The following TSHZ2 variants were observed in gnomAD, a reference collection of about 807,000 sequenced individuals.
TSHZ2 encodes the protein teashirt zinc finger homeobox 2.
TSHZ2 carries 21 observed loss-of-function variants against 74.4 expected under a neutral mutation model. The ratio of observed to expected loss-of-function variants is 0.28; its 90% CI spans 0.20 to 0.41. TSHZ2 has a LOEUF of 0.41. TSHZ2 is among the 10% of genes least tolerant of loss of function. The probability of loss-of-function intolerance (pLI) is 1.00; values close to 1 mark genes in which losing one functional copy is unlikely to be tolerated. For missense variants in TSHZ2, 1,244 were observed against 1,293.5 expected (o/e 0.96, Z 0.59); for synonymous variants, 540 against 515.3 (o/e 1.05, Z -0.65).
chr20:53,493,609 T>C lies in TSHZ2; in HGVS notation c.*6474T>C, dbSNP rs1366973907. 6.6e-6 allele frequency: 1 copy of C among 152,228 alleles called. No homozygotes were observed. Among genetic ancestry groups the C allele is most frequent in the Non-Finnish European group, 1.5e-5 (1 of 68,048 alleles). 9.4% of individuals were successfully genotyped at this position (152,228 alleles called of 1,614,324 possible). On this transcript the variant is annotated 3_prime_UTR_variant, in exon 3 of 3. Coordinates refer to ENST00000371497, the MANE Select transcript of TSHZ2 (RefSeq NM_173485.6). Reference sequence around the variant, plus strand: ...TTGTAATGGGGCCCCAGGCCATTCCTGACATCGGCGTGTTCTTCTTCTGCA... The same window carrying C: ...TTGTAATGGGGCCCCAGGCCATTCCCGACATCGGCGTGTTCTTCTTCTGCA...
At chr20:53,193,198 A>C (rs78968282) in intron 1 of TSHZ2, among the ~76,000 whole-genome samples, 6,735 of 142,598 alleles carry the variant, frequency 0.047, 492 homozygotes, top group East Asian at 0.35. Context: ...GAAAAAAAAA[A>C]CACCACCTCT....
chr20:53,291,103 G>A (rs1227689647), intron 2 of TSHZ2, among the ~76,000 whole-genome samples: 1 of 152,112 alleles, frequency 6.6e-6, no homozygotes, highest in Non-Finnish European at 1.5e-5. Context: ...GTCTCCTCAA[G>A]AACATGAAAA....
chr20:53,339,337 G>C (rs1183147506), intron 2 of TSHZ2, among the ~76,000 whole-genome samples: 1 of 152,090 alleles, frequency 6.6e-6, no homozygotes, highest in African/African-American at 2.4e-5. Context: ...AGGTGGCTGC[G>C]GAGGCCTGAG....
In TSHZ2 at chr20:53,422,823, A is replaced by C. The variant is rs191764256; in HGVS notation, c.*9-64321A>C. ...ACCCCTGGATACACTGATCTCCTTC[A>C]ATATACAGTCAGGACTTCACGAGCA... On this transcript the variant is annotated intron_variant, in intron 2 of 2. Transcript: ENST00000371497. Among the ~76,000 whole-genome samples the C allele has an allele frequency of 1.1e-4, 16 of 152,354 alleles. No individual in the cohort carries two copies. The East Asian group carries it at 2.3e-3, about 22-fold the overall frequency.
At chr20:53,406,164 A>G (rs1034397598) in intron 2 of TSHZ2, among the ~76,000 whole-genome samples, 5 of 152,080 alleles carry the variant, frequency 3.3e-5, no homozygotes, top group Admixed American at 2.6e-4. Context: ...ACCACCAACT[A>G]TCAAGGTTAT....
At chr20:53,184,908 A>C (rs1988564915) in intron 1 of TSHZ2, among the ~76,000 whole-genome samples, 1 of 152,116 alleles carries the variant, frequency 6.6e-6, no homozygotes, top group Admixed American at 6.5e-5. Flanking sequence ...GGATTTCACC[A>C]TGTTGGCCAT....
intron 1 of TSHZ2, among the ~76,000 whole-genome samples, chr20:53,026,117 A>G (rs1016415747): frequency 7.9e-5 from 12 of 151,984 alleles, no homozygotes; most frequent in Admixed American, 6.6e-4. Context: ...CCTCTTCCCA[A>G]CACACACACA....
At chr20:53,138,995 A>G (rs1309867210) in intron 1 of TSHZ2, among the ~76,000 whole-genome samples, 2 of 152,246 alleles carry the variant, frequency 1.3e-5, no homozygotes, top group Non-Finnish European at 2.9e-5. Context: ...AATCTGACAA[A>G]AGGAATTAAT....
At chr20:53,303,996 C>T (rs190375761) in intron 2 of TSHZ2, among the ~76,000 whole-genome samples, 7 of 152,144 alleles carry the variant, frequency 4.6e-5, no homozygotes, top group Non-Finnish European at 8.8e-5. Flanking sequence ...AATCATTGAC[C>T]ATCCCCAACC....
rs151008375 is a variant in TSHZ2 at position 53,102,808 on chromosome 20, T to C, written c.40+129475T>C. ...TGTAGTTTAGGAGAGGGCATTGTTT[T>C]TCAAATTGTGGATCAAGGCCCATTA... On this transcript the variant is annotated intron_variant, in intron 1 of 2. Transcript: ENST00000371497. 6.8e-3 allele frequency among the ~76,000 whole-genome samples: 1,033 copies of C among 152,294 alleles called. 12 individuals carry two copies. Among genetic ancestry groups the C allele is most frequent in the East Asian group, 0.012 (61 of 5,188 alleles).
chr20:53,122,470 C>A (rs1249213464), intron 1 of TSHZ2, among the ~76,000 whole-genome samples: 1 of 152,034 alleles, frequency 6.6e-6, no homozygotes, highest in African/African-American at 2.4e-5. Flanking sequence ...AAGTTAATTT[C>A]TATTTCTATC....
chr20:53,212,155 T>C (rs1449229869), intron 1 of TSHZ2, among the ~76,000 whole-genome samples: 1 of 152,200 alleles, frequency 6.6e-6, no homozygotes, highest in Admixed American at 6.5e-5. Flanking sequence ...GTTGTCATCT[T>C]GGAATCCCTC....
intron 1 of TSHZ2, among the ~76,000 whole-genome samples, chr20:53,211,583 G>T (rs547766623): frequency 1.3e-5 from 2 of 152,080 alleles, no homozygotes; most frequent in African/African-American, 4.8e-5. Context: ...CCACACAGTC[G>T]CTCCTACCTG....
At chr20:53,471,251 C>T (rs1985790553) in intron 2 of TSHZ2, among the ~76,000 whole-genome samples, 2 of 151,852 alleles carry the variant, frequency 1.3e-5, no homozygotes, top group Admixed American at 1.3e-4. Context: ...GTGATAAATA[C>T]TTTAAAACCC....
chr20:53,223,416 G>A (rs1392560519), intron 1 of TSHZ2, among the ~76,000 whole-genome samples: 1 of 152,208 alleles, frequency 6.6e-6, no homozygotes, highest in Middle Eastern at 3.4e-3. Context: ...ATTTGAGACG[G>A]GGTCTTGCTC....
chr20:53,301,784 A>T (rs1978330222), intron 2 of TSHZ2, among the ~76,000 whole-genome samples: 1 of 152,218 alleles, frequency 6.6e-6, no homozygotes, highest in African/African-American at 2.4e-5. Context: ...TCAGGTTTTT[A>T]AAAAAGGAAC....
At chr20:53,000,784 C>A (rs1015632063) in intron 1 of TSHZ2, among the ~76,000 whole-genome samples, 1 of 152,114 alleles carries the variant, frequency 6.6e-6, no homozygotes, top group East Asian at 1.9e-4. Context: ...TTTCTTAGAA[C>A]CCTTGTTTTT....
intron 1 of TSHZ2, among the ~76,000 whole-genome samples, chr20:53,226,479 A>G (rs148706153): frequency 1.4e-3 from 220 of 151,762 alleles, no homozygotes; most frequent in African/African-American, 5.2e-3. Context: ...TCTTAATTAG[A>G]ATAGTCTGTG....
At chr20:52,979,689 T>C (rs1981487167) in intron 1 of TSHZ2, among the ~76,000 whole-genome samples, 1 of 152,136 alleles carries the variant, frequency 6.6e-6, no homozygotes, top group Non-Finnish European at 1.5e-5. Flanking sequence ...ATTTTTTACG[T>C]TTCCCCTGTA....
Sources: gnomAD v4.1 joint callset for allele counts (sites outside exome capture counted in the v4.1 genomes callset) on GRCh38, gnomAD v4.1.1 for gene constraint, MANE v1.5 for transcripts, NCBI Gene and HGNC (gene_info 2026-07-23, HGNC 2026-07-21) for gene names.